SLC28A3: variants seen among roughly 807,000 people sequenced by gnomAD.
SLC28A3 encodes solute carrier family 28 member 3.
In SLC28A3, 68 loss-of-function variants were observed where a neutral mutation model predicts 84.2. The observed-to-expected ratio is 0.81, with a 90% confidence interval of 0.66 to 0.99. The LOEUF (loss-of-function observed/expected upper bound fraction) is 0.99, where lower values mean the gene tolerates loss of function less well. Among genes scored for constraint, SLC28A3 ranks in the 50% least tolerant of loss-of-function variants. The pLI is 0.00. For synonymous variants in SLC28A3, 267 were observed against 303.6 expected (o/e 0.88, Z 1.25); for missense variants, 712 against 841.5 (o/e 0.85, Z 1.90).
chr9:84,365,118 A>G, the SLC28A3 span, among the ~76,000 whole-genome samples: 277 of 152,296 alleles, frequency 1.8e-3, 2 homozygotes, highest in African/African-American at 6.4e-3. Context: ...GAGTGTCTGT[A>G]CTAATTTACA....
chr9:84,330,695 C>T (rs959882165), intron 1 of SLC28A3, among the ~76,000 whole-genome samples: 6 of 152,072 alleles, frequency 3.9e-5, no homozygotes, highest in Non-Finnish European at 5.9e-5. Flanking sequence ...AAAAATGTAG[C>T]ATTAGAGTTG....
intron 1 of SLC28A3, among the ~76,000 whole-genome samples, chr9:84,334,735 T>G (rs1221968572): frequency 6.6e-6 from 1 of 150,918 alleles, no homozygotes; most frequent in Admixed American, 6.6e-5. Flanking sequence ...CAGAAGAGCG[T>G]TCATTCTGCT....
intron 15 of SLC28A3, 71 bp from the exon 16 acceptor site, chr9:84,280,144 T>C (rs1824687505): frequency 1.4e-6 from 2 of 1,456,738 alleles, no homozygotes; most frequent in South Asian, 1.2e-5. Flanking sequence ...CCTCTGAAAA[T>C]TGTTCTGAGG....
At chr9:84,322,941 T>C (rs1826425539) in intron 1 of SLC28A3, among the ~76,000 whole-genome samples, 1 of 152,186 alleles carries the variant, frequency 6.6e-6, no homozygotes, top group South Asian at 2.1e-4. Context: ...GAAAAATAAC[T>C]TTGGAAAGTC....
At chr9:84,342,169 T>TAAG (rs1827176698), upstream of SLC28A3, among the ~76,000 whole-genome samples, 1 of 132,640 alleles carries the variant, frequency 7.5e-6, no homozygotes, top group African/African-American at 3.1e-5. Context: ...AAAGAAAAAG[T>TAAG]AAGAAAATAC....
At chr9:84,313,503 C>A in intron 1 of SLC28A3, 49 bp from the exon 2 acceptor site, 2 of 1,489,634 alleles carry the variant, frequency 1.3e-6, no homozygotes, top group Non-Finnish European at 1.9e-6. Flanking sequence ...AGCCAAAAGA[C>A]AGATGTTCTT....
chr9:84,367,029 G>A, the SLC28A3 span, among the ~76,000 whole-genome samples: 5 of 152,216 alleles, frequency 3.3e-5, no homozygotes. Flanking sequence ...TGGGCCTCAG[G>A]GAGTAGAATG....
At chr9:84,312,037 G>A (rs181114726) in intron 2 of SLC28A3, among the ~76,000 whole-genome samples, 18 of 152,284 alleles carry the variant, frequency 1.2e-4, no homozygotes, top group Admixed American at 3.9e-4. Context: ...GCTCCTTCAT[G>A]TCTTTTCATG....
chr9:84,292,481 C>CTG (rs147003505), intron 10 of SLC28A3, 187 bp downstream of exon 10: 10 of 402,200 alleles, frequency 2.5e-5, no homozygotes, highest in African/African-American at 9.3e-5. Flanking sequence ...CTCTGTCTCT[C>CTG]TCTCTCTCTC....
upstream of SLC28A3, among the ~76,000 whole-genome samples, chr9:84,343,752 A>G (rs1827207255): frequency 2.0e-5 from 3 of 152,250 alleles, no homozygotes; most frequent in Admixed American, 2.0e-4. Flanking sequence ...GGCTGCTATC[A>G]TCCCATAAGG....
At chr9:84,305,847 G>A (rs1465230824) in intron 3 of SLC28A3, among the ~76,000 whole-genome samples, 1 of 152,196 alleles carries the variant, frequency 6.6e-6, no homozygotes, top group Admixed American at 6.5e-5. Context: ...TGGACCTCAT[G>A]GGGTGTGCTT....
At chr9:84,298,092 T>A (rs1031063213) in intron 6 of SLC28A3, 73 bp from the exon 7 acceptor site, 5 of 1,245,736 alleles carry the variant, frequency 4.0e-6, no homozygotes, top group Admixed American at 4.0e-5. Context: ...GTCTAATGGA[T>A]CACTATTTCC....
At chr9:84,353,274 C>T in the SLC28A3 span, among the ~76,000 whole-genome samples, 3 of 152,190 alleles carry the variant, frequency 2.0e-5, no homozygotes, top group South Asian at 2.1e-4. Flanking sequence ...GCCTCACTCA[C>T]GTCTACTCAG....
At position 84,329,812 on chromosome 9, in the gene SLC28A3, T is replaced by C. The variant is rs556503720; in HGVS notation, c.60+10762A>G. On this transcript the variant is annotated intron_variant, in intron 1 of 17. Transcript: ENST00000376238. Reference sequence around the variant, plus strand: ...TACTTGGAAGGCTGGGGTGGGTGGATTGCTTGTACCCAGGAGTTTGAGGCC... The same window carrying C: ...TACTTGGAAGGCTGGGGTGGGTGGACTGCTTGTACCCAGGAGTTTGAGGCC... Among the ~76,000 whole-genome samples, 15 of 152,222 alleles carry C rather than the reference T, an allele frequency of 9.9e-5. No individual in the cohort carries two copies. The East Asian group carries it at 2.7e-3, about 27-fold the overall frequency.
intron 1 of SLC28A3, among the ~76,000 whole-genome samples, chr9:84,326,918 T>C (rs1826580866): frequency 3.3e-5 from 5 of 151,994 alleles, no homozygotes; most frequent in Admixed American, 3.3e-4. Context: ...GGCAGGAGAA[T>C]CGCTAGAACC....
At chr9:84,364,052 T>C in the SLC28A3 span, among the ~76,000 whole-genome samples, 2 of 151,794 alleles carry the variant, frequency 1.3e-5, no homozygotes, top group South Asian at 2.1e-4. Context: ...AATAATCACA[T>C]CATGGAAAAT....
chr9:84,282,491 T>C (rs541122958), intron 14 of SLC28A3, among the ~76,000 whole-genome samples: 2 of 152,356 alleles, frequency 1.3e-5, no homozygotes, highest in African/African-American at 4.8e-5. Context: ...ATGGTGTGTG[T>C]ACCACAACTC....
At chr9:84,343,387 A>C (rs1428701325), upstream of SLC28A3, among the ~76,000 whole-genome samples, 8 of 152,090 alleles carry the variant, frequency 5.3e-5, no homozygotes, top group Non-Finnish European at 1.2e-4. Context: ...TAGATTTTGC[A>C]TATCTCACAT....
chr9:84,301,363 A>AG (rs1259952882), intron 5 of SLC28A3, among the ~76,000 whole-genome samples: 11 of 150,988 alleles, frequency 7.3e-5, no homozygotes, highest in African/African-American at 2.2e-4. Context: ...AAAAAAAAAA[A>AG]AAAAAAAAAA....
Sources: allele counts gnomAD v4.1 joint callset (sites outside exome capture counted in the v4.1 genomes callset), GRCh38; gene constraint gnomAD v4.1.1; transcripts MANE v1.5; gene names NCBI Gene and HGNC (gene_info 2026-07-23, HGNC 2026-07-21).